Variants in HHAT observed in about 807,000 individuals in gnomAD.
HHAT encodes protein-cysteine N-palmitoyltransferase HHAT.
In HHAT, 47 loss-of-function variants were observed where a neutral mutation model predicts 70.8. The ratio of observed to expected loss-of-function variants is 0.66; its 90% CI spans 0.53 to 0.85. The LOEUF is 0.85. Among genes scored for constraint, HHAT ranks in the 40% least tolerant of loss-of-function variants. The pLI, the probability that HHAT is intolerant of heterozygous loss-of-function variation, is 0.00. For synonymous variants in HHAT, 228 were observed against 247.6 expected, an observed-to-expected ratio of 0.92 and a Z score of 0.74; for missense variants, 609 against 604.8, an observed-to-expected ratio of 1.01 and a Z score of -0.07.
At chr1:210,564,358 A>G (rs918002112) in intron 9 of HHAT, among the ~76,000 whole-genome samples, 1 of 152,190 alleles carries the variant, frequency 6.6e-6, no homozygotes, top group East Asian at 1.9e-4. Flanking sequence ...TTTTAGAACT[A>G]GGCAGAGAAT....
intron 11 of HHAT, among the ~76,000 whole-genome samples, chr1:210,658,713 A>C (rs1296051178): frequency 1.3e-5 from 2 of 152,230 alleles, no homozygotes; most frequent in African/African-American, 4.8e-5. Context: ...CAAATGTAAA[A>C]GAAGAGAAAT....
At chr1:210,350,485 T>C (rs536372750) in intron 2 of HHAT, among the ~76,000 whole-genome samples, 1 of 152,366 alleles carries the variant, frequency 6.6e-6, no homozygotes, top group East Asian at 1.9e-4. Context: ...ATAGATCTTA[T>C]ACATATTTTG....
At chr1:210,555,880 G>A (rs931281790) in intron 9 of HHAT, among the ~76,000 whole-genome samples, 10 of 152,150 alleles carry the variant, frequency 6.6e-5, no homozygotes, top group Non-Finnish European at 1.5e-4. Flanking sequence ...GGAGAAGTGG[G>A]CCAGCTGAGC....
chr1:210,614,653 C>T (rs1667300130), intron 10 of HHAT, among the ~76,000 whole-genome samples: 2 of 151,958 alleles, frequency 1.3e-5, no homozygotes, highest in Non-Finnish European at 1.5e-5. Context: ...TGAGTGAGAA[C>T]ATGCGGTGTT....
chr1:210,588,146 A>C (rs748159812), intron 10 of HHAT, 47 bp downstream of exon 10: 4 of 1,472,708 alleles, frequency 2.7e-6, no homozygotes. Flanking sequence ...GGAACTAGGC[A>C]GATCAGGTTT....
chr1:210,365,396 A>G (rs2088840471), intron 3 of HHAT, among the ~76,000 whole-genome samples: 1 of 134,910 alleles, frequency 7.4e-6, no homozygotes, highest in African/African-American at 2.9e-5. Flanking sequence ...GGCTCACTGC[A>G]ACCTCTGCCT....
intron 11 of HHAT, among the ~76,000 whole-genome samples, chr1:210,657,460 C>T (rs1017145944): frequency 1.3e-5 from 2 of 152,200 alleles, no homozygotes; most frequent in African/African-American, 2.4e-5. Flanking sequence ...CCTTCCCCTT[C>T]CAGAGCAGTG....
intron 9 of HHAT, among the ~76,000 whole-genome samples, chr1:210,543,703 C>CAAA (rs1186196952): frequency 6.6e-6 from 1 of 152,098 alleles, no homozygotes; most frequent in African/African-American, 2.4e-5. Flanking sequence ...AGGACCCTTC[C>CAAA]AAAGGCCTTC....
rs1322530816 is a variant in HHAT, at chr1:210,538,592, C to T, written c.1043+25404C>T. Among the ~76,000 whole-genome samples the T allele has an allele frequency of 3.3e-5, 5 of 152,280 alleles. No individual in the cohort carries two copies. In the East Asian group the frequency reaches 9.6e-4, roughly 29 times the overall value. ...AGATCAAAAGTGACACTTGAAAATA[C>T]TCCTATGAGGAAGACAGTCTTGAGA... On this transcript the variant is annotated intron_variant, in intron 9 of 11. Coordinates refer to ENST00000261458, the MANE Select transcript of HHAT (RefSeq NM_018194.6).
intron 9 of HHAT, among the ~76,000 whole-genome samples, chr1:210,544,136 A>G (rs1158305865): frequency 6.6e-6 from 1 of 152,182 alleles, no homozygotes; most frequent in Non-Finnish European, 1.5e-5. Flanking sequence ...AATGGTATGC[A>G]CTGCCCGTGC....
At chr1:210,566,663 G>T (rs1003185353) in intron 9 of HHAT, among the ~76,000 whole-genome samples, 2 of 152,064 alleles carry the variant, frequency 1.3e-5, no homozygotes, top group African/African-American at 4.8e-5. Context: ...TCAGAGGGGA[G>T]ATCGGCCGCT....
chr1:210,450,732 C>A (rs2093737075), intron 7 of HHAT, among the ~76,000 whole-genome samples: 1 of 151,600 alleles, frequency 6.6e-6, no homozygotes, highest in Non-Finnish European at 1.5e-5. Flanking sequence ...GGAATGCTAG[C>A]AAATTTGAAA....
chr1:210,590,854 T>C (rs545092261), intron 10 of HHAT, among the ~76,000 whole-genome samples: 2 of 152,308 alleles, frequency 1.3e-5, no homozygotes, highest in South Asian at 4.1e-4. Flanking sequence ...ATCCTTCATC[T>C]GTTTTATTAA....
At chr1:210,617,516 C>T (rs1332273884) in intron 10 of HHAT, among the ~76,000 whole-genome samples, 3 of 152,134 alleles carry the variant, frequency 2.0e-5, no homozygotes, top group Admixed American at 1.3e-4. Flanking sequence ...CAGGGTGAGG[C>T]GGTACTATTG....
intron 2 of HHAT, among the ~76,000 whole-genome samples, chr1:210,349,641 G>A (rs1201681430): frequency 1.4e-5 from 2 of 146,172 alleles, no homozygotes; most frequent in African/African-American, 5.0e-5. Context: ...GTGGCTATGT[G>A]CTACCTAAAA....
rs3033354 is a variant in HHAT, at chr1:210,334,178, AT to A, written c.-44+5094del. Among the ~76,000 whole-genome samples, 408 of 99,986 alleles carry A rather than the reference AT, an allele frequency of 4.1e-3. 61 individuals carry two copies. Among genetic ancestry groups the A allele is most frequent in the African/African-American group, 0.012 (325 of 27,358 alleles). The allele number at this position is 99,986 out of a possible 152,430, so 65.6% of individuals were successfully genotyped here. ...TACTTGCTGGCCACTTTAGCGTGTC[AT>A]TTTTTTTTTTTTTTTTTTTGAGAAA... is the stretch of plus-strand genomic sequence containing the variant. On this transcript the variant is annotated intron_variant, in intron 1 of 11. Coordinates refer to ENST00000261458, the MANE Select transcript of HHAT (RefSeq NM_018194.6).
intron 8 of HHAT, among the ~76,000 whole-genome samples, chr1:210,473,768 C>G (rs2094251723): frequency 6.6e-6 from 1 of 152,132 alleles, no homozygotes; most frequent in African/African-American, 2.4e-5. Flanking sequence ...TATCTCAGTT[C>G]ATGCTGGGTC....
chr1:210,541,264 T>A (rs1418073314), intron 9 of HHAT, among the ~76,000 whole-genome samples: 1 of 152,234 alleles, frequency 6.6e-6, no homozygotes, highest in Admixed American at 6.5e-5. Context: ...AAGAACATCC[T>A]GTGCATGGAG....
At chr1:210,334,178 A>ATTTTTTTTTTTTTTTTTTTTTTTT in intron 1 of HHAT, among the ~76,000 whole-genome samples, 1,189 of 99,902 alleles carry the variant, frequency 0.012, 296 homozygotes, top group Non-Finnish European at 0.017. Context: ...TTAGCGTGTC[A>ATTTTTTTTTTTTTTTTTTTTTTTT]TTTTTTTTTT....
Sources: gnomAD v4.1 joint callset for allele counts (sites outside exome capture counted in the v4.1 genomes callset) on GRCh38, gnomAD v4.1.1 for gene constraint, MANE v1.5 for transcripts, NCBI Gene and HGNC (gene_info 2026-07-23, HGNC 2026-07-21) for gene names.